Variants in CNTN2 observed in about 807,000 individuals in gnomAD.
CNTN2 encodes contactin-2.
CNTN2 carries 53 observed loss-of-function variants against 117.5 expected under a neutral mutation model. That is an observed-to-expected ratio of 0.45 (90% CI 0.36 to 0.57). The LOEUF is 0.57. CNTN2 is among the 20% of genes least tolerant of loss of function. CNTN2 has a pLI of 0.00. For synonymous variants in CNTN2, 530 were observed against 561.7 expected, an observed-to-expected ratio of 0.94 and a Z score of 0.80; for missense variants, 1,106 against 1,404.3, an observed-to-expected ratio of 0.79 and a Z score of 3.39.
chr1:205,049,231 C>T (rs2096447738), intron 1 of CNTN2, among the ~76,000 whole-genome samples: 1 of 150,146 alleles, frequency 6.7e-6, no homozygotes, highest in African/African-American at 2.5e-5. Flanking sequence ...TGATGCAAAC[C>T]TCCTGGTGGG....
chr1:205,061,188 C>T lies in CNTN2; in HGVS notation c.798-57C>T, dbSNP rs992937776. ...GAGTCTGGGTATGAGGAGCTGCGGG[C>T]ACTGGAGGGGTAGGCCCAGCTCAGC... On this transcript the variant is annotated intron_variant, in intron 7 of 22. Transcript: ENST00000331830. The surrounding 1 kb of genome is among the most constrained non-coding windows in gnomAD (Gnocchi z 4.8). 1 of 1,532,032 alleles carries T rather than the reference C, an allele frequency of 6.5e-7. No homozygotes were observed. Among genetic ancestry groups the T allele is most frequent in the African/African-American group, 1.4e-5 (1 of 72,940 alleles). 94.9% of individuals were successfully genotyped at this position (1,532,032 alleles called of 1,614,324 possible).
At chr1:205,052,339 C>A (rs2096454337) in intron 1 of CNTN2, among the ~76,000 whole-genome samples, 2 of 152,240 alleles carry the variant, frequency 1.3e-5, no homozygotes, top group Non-Finnish European at 2.9e-5. Context: ...ATCTCTGAGA[C>A]TGATGGGACA....
At position 205,058,333 on chromosome 1, in the gene CNTN2, G is replaced by A; in HGVS notation, c.368G>A (p.Arg123Lys). The A allele has an allele frequency of 6.6e-7, 1 of 1,526,142 alleles. No individual in the cohort carries two copies. Among genetic ancestry groups the A allele is most frequent in the Non-Finnish European group, 8.8e-7 (1 of 1,135,300 alleles). 94.5% of individuals were successfully genotyped at this position (1,526,142 alleles called of 1,614,324 possible). A position where few individuals can be genotyped will look rare whatever the true frequency, so the allele number is the denominator to read the frequency against. Reference protein sequence around the residue: ...ASNPVGTVVSREAILRFGFLQ... With the variant: ...ASNPVGTVVSKEAILRFGFLQ... ...AACCCAGTGGGCACCGTTGTCAGCA[G>A]GGAGGCCATCCTCCGCTTCGGCTGT... Residue 123 changes from arginine (R) to lysine (K), a missense_variant, in exon 4 of 23, where the codon AGG (arginine) becomes AAG (lysine). Physicochemically the swap from Arg to Lys is conservative, Grantham distance 26 (BLOSUM62 2). Transcript: ENST00000331830. This position sits in a 1 kb window ranked among gnomAD's most constrained non-coding sequence, Gnocchi z 4.3.
Position 205,050,636 on chromosome 1 carries a change from G to T in CNTN2, c.-86-2464G>T, listed in dbSNP as rs769416167. Among the ~76,000 whole-genome samples the T allele has an allele frequency of 7.5e-3, 1,089 of 144,638 alleles. 7 individuals carry two copies. The highest frequency in any genetic ancestry group is 0.013 in the Non-Finnish European group (873 of 67,082). 94.9% of individuals were successfully genotyped at this position (144,638 alleles called of 152,430 possible). A position where few individuals can be genotyped will look rare whatever the true frequency, so the allele number is the denominator to read the frequency against. On this transcript the variant is annotated intron_variant, in intron 1 of 22. Coordinates refer to ENST00000331830, the MANE Select transcript of CNTN2 (RefSeq NM_005076.5). ...AAGTGTTCTGAGTACATTTTTTTTTGAAATGGAATTTTGCTCTTGTTGCCC... is the reference window on the plus strand; with the variant it reads ...AAGTGTTCTGAGTACATTTTTTTTTTAAATGGAATTTTGCTCTTGTTGCCC...
Position 205,073,827 on chromosome 1 carries a change from C to A in CNTN2, c.*62C>A. The A allele has an allele frequency of 7.2e-7, 1 of 1,384,810 alleles. No individual in the cohort carries two copies. Among genetic ancestry groups the A allele is most frequent in the Non-Finnish European group, 1.0e-6 (1 of 988,176 alleles). The allele number at this position is 1,384,810 out of a possible 1,614,324, so 85.8% of individuals were successfully genotyped here. A position where few individuals can be genotyped will look rare whatever the true frequency, so the allele number is the denominator to read the frequency against. ...CACCTCCGACGGACACAGCCAGCCC[C>A]TTCCTGCTGCCAAGGTGGCCTGACA... is the stretch of plus-strand genomic sequence containing the variant. On this transcript the variant is annotated 3_prime_UTR_variant, in exon 23 of 23. Coordinates refer to ENST00000331830, the MANE Select transcript of CNTN2 (RefSeq NM_005076.5). The surrounding 1 kb of genome is among the most constrained non-coding windows in gnomAD (Gnocchi z 6.3).
rs758576669 is a variant in CNTN2 at position 205,059,577 on chromosome 1, C to G, written c.698-6C>G. 1 of 1,613,884 alleles carries G rather than the reference C, an allele frequency of 6.2e-7. No homozygotes were observed. The highest frequency in any genetic ancestry group is 1.7e-5 in the Admixed American group (1 of 60,028). On this transcript the variant is annotated splice_region_variant and splice_polypyrimidine_tract_variant and intron_variant, in intron 6 of 22. Coordinates refer to ENST00000331830, the MANE Select transcript of CNTN2 (RefSeq NM_005076.5). This position sits in a 1 kb window ranked among gnomAD's most constrained non-coding sequence, Gnocchi z 5.6. ...GCATCTGATTTGTAAAACCCTCTCTCCCCAGATACCCGGCTCTTTGCACCC... is the reference window on the plus strand; with the variant it reads ...GCATCTGATTTGTAAAACCCTCTCTGCCCAGATACCCGGCTCTTTGCACCC...
chr1:205,072,874 T>A (rs749345500), intron 21 of CNTN2, 194 bp from the exon 22 acceptor site: 16 of 651,938 alleles, frequency 2.5e-5, no homozygotes, highest in Non-Finnish European at 3.9e-5. Context: ...GCTTAAGGAG[T>A]CTACGGAAAC....
chr1:205,059,439 TC>T lies in CNTN2; in HGVS notation c.698-142del. 8.7e-7 allele frequency: 1 copy of T among 1,154,664 alleles called. No individual in the cohort carries two copies. The highest frequency in any genetic ancestry group is 1.5e-5 in the African/African-American group (1 of 65,486). 71.5% of individuals were successfully genotyped at this position (1,154,664 alleles called of 1,614,324 possible). On this transcript the variant is annotated intron_variant, in intron 6 of 22. Coordinates refer to ENST00000331830, the MANE Select transcript of CNTN2 (RefSeq NM_005076.5). The surrounding 1 kb of genome is among the most constrained non-coding windows in gnomAD (Gnocchi z 5.6). ...GACCCCCAGATCCTCCTGCTTCAAATCCTGAGGCCCTTGCCCCAGGCCTCAA... is the reference window on the plus strand; with the variant it reads ...GACCCCCAGATCCTCCTGCTTCAAATCTGAGGCCCTTGCCCCAGGCCTCAA...
chr1:205,073,792 A>G lies in CNTN2; in HGVS notation c.*27A>G, dbSNP rs779297371. 2 of 1,591,042 alleles carry G rather than the reference A, an allele frequency of 1.3e-6. No homozygotes were observed. The highest frequency in any genetic ancestry group is 2.2e-5 in the South Asian group (2 of 90,286). ...CCTGGAACCCCTCCCTCTGCGCCGC[A>G]GCTGGACGCCACCTCCGACGGACAC... is the stretch of plus-strand genomic sequence containing the variant. On this transcript the variant is annotated 3_prime_UTR_variant, in exon 23 of 23. Coordinates refer to ENST00000331830, the MANE Select transcript of CNTN2 (RefSeq NM_005076.5). This position sits in a 1 kb window ranked among gnomAD's most constrained non-coding sequence, Gnocchi z 6.3.
rs562036555 is a variant in CNTN2 at position 205,058,282 on chromosome 1, C to G, written c.317C>G (p.Ala106Gly). The change falls in exon 4 of 23, where the codon GCC (alanine) becomes GGC (glycine). Residue 106 changes from alanine to glycine, a missense_variant. Coordinates refer to ENST00000331830, the MANE Select transcript of CNTN2 (RefSeq NM_005076.5). This position sits in a 1 kb window ranked among gnomAD's most constrained non-coding sequence, Gnocchi z 4.3. ...ATGAACCCCACCAAGGCACAGGATGCCGGGGTCTACCAGTGCCTGGCCTCC... is the reference window on the plus strand; with the variant it reads ...ATGAACCCCACCAAGGCACAGGATGGCGGGGTCTACCAGTGCCTGGCCTCC... Reference protein sequence around the residue: ...VIMNPTKAQDAGVYQCLASNP... With the variant: ...VIMNPTKAQDGGVYQCLASNP... 7.2e-6 allele frequency: 11 copies of G among 1,534,698 alleles called. No homozygotes were observed. The highest frequency in any genetic ancestry group is 9.6e-6 in the Non-Finnish European group (11 of 1,140,608).
Position 205,070,499 on chromosome 1 carries a change from C to G in CNTN2, c.2505C>G (p.Pro835=). 1 of 1,613,922 alleles carries G rather than the reference C, an allele frequency of 6.2e-7. No individual in the cohort carries two copies. Among genetic ancestry groups the G allele is most frequent in the Non-Finnish European group, 8.5e-7 (1 of 1,179,926 alleles). ...CAGAGATGAACGTGACCTGGGAACCCGTGCAGCAGGACATGAATGGTATCC... is the reference window on the plus strand; with the variant it reads ...CAGAGATGAACGTGACCTGGGAACCGGTGCAGCAGGACATGAATGGTATCC... The part of the protein sequence containing the change: ...SSSEMNVTWE[P]VQQDMNGILL... Residue 835 remains proline, a synonymous_variant, in exon 19 of 23, where the codon CCC becomes CCG. Coordinates refer to ENST00000331830, the MANE Select transcript of CNTN2 (RefSeq NM_005076.5).
intron 1 of CNTN2, among the ~76,000 whole-genome samples, chr1:205,052,395 C>G (rs1419200243): frequency 6.6e-6 from 1 of 152,216 alleles, no homozygotes; most frequent in African/African-American, 2.4e-5. Context: ...GGTTCTTCTC[C>G]AGAGCTCAAT....
intron 1 of CNTN2, among the ~76,000 whole-genome samples, chr1:205,045,258 G>A (rs964338021): frequency 1.3e-5 from 2 of 151,648 alleles, no homozygotes; most frequent in African/African-American, 2.4e-5. Context: ...TTCTCTCATC[G>A]CGTGTACTCC....
Position 205,072,646 on chromosome 1 carries a change from G to A in CNTN2, c.2844+51G>A, listed in dbSNP as rs2151200486. The A allele has an allele frequency of 2.9e-6, 4 of 1,383,338 alleles. No homozygotes were observed. In the East Asian group the frequency reaches 9.1e-5, roughly 32 times the overall value. 85.7% of individuals were successfully genotyped at this position (1,383,338 alleles called of 1,614,324 possible). A position where few individuals can be genotyped will look rare whatever the true frequency, so the allele number is the denominator to read the frequency against. On this transcript the variant is annotated intron_variant, in intron 21 of 22. Coordinates refer to ENST00000331830, the MANE Select transcript of CNTN2 (RefSeq NM_005076.5). ...GAATGGGAAGGAACAGCTCCTCTGT[G>A]TTTCCAGTGAACATAAGCAGCAGCA...
intron 16 of CNTN2, chr1:205,067,730 C>G (rs535136236): frequency 7.0e-4 from 107 of 152,846 alleles, no homozygotes; most frequent in Non-Finnish European, 1.1e-3. Context: ...AGTTTGAGAC[C>G]AGCCTGGCCA....
At position 205,073,290 on chromosome 1, in the gene CNTN2, T is replaced by C; in HGVS notation, c.3013+54T>C. On this transcript the variant is annotated intron_variant, in intron 22 of 22. Transcript: ENST00000331830. This position sits in a 1 kb window ranked among gnomAD's most constrained non-coding sequence, Gnocchi z 6.3. ...TCGAGAGATTCAGGATCCACCCAGA[T>C]ACCTGAGAGGATCATTCCCACCCAG... The C allele has an allele frequency of 1.9e-6, 3 of 1,584,502 alleles. No homozygotes were observed. The highest frequency in any genetic ancestry group is 1.7e-6 in the Non-Finnish European group (2 of 1,159,564).
chr1:205,058,982 C>G lies in CNTN2; in HGVS notation c.488-102C>G, dbSNP rs935280517. On this transcript the variant is annotated intron_variant, in intron 5 of 22. Coordinates refer to ENST00000331830, the MANE Select transcript of CNTN2 (RefSeq NM_005076.5). This position sits in a 1 kb window ranked among gnomAD's most constrained non-coding sequence, Gnocchi z 4.3. ...CCCCAGTTCAGAGCATGGTGGCTGT[C>G]AGGACAGGGCTTGCAGAACCGCACC... 2.9e-6 allele frequency: 3 copies of G among 1,033,344 alleles called. No homozygotes were observed. The highest frequency in any genetic ancestry group is 3.2e-5 in the African/African-American group (2 of 63,258). The allele number at this position is 1,033,344 out of a possible 1,614,324, so 64.0% of individuals were successfully genotyped here.
At position 205,059,015 on chromosome 1, in the gene CNTN2, TG is replaced by T; in HGVS notation, c.488-65del. 7.1e-7 allele frequency: 1 copy of T among 1,417,734 alleles called. No homozygotes were observed. The highest frequency in any genetic ancestry group is 9.9e-7 in the Non-Finnish European group (1 of 1,012,620). The allele number at this position is 1,417,734 out of a possible 1,614,324, so 87.8% of individuals were successfully genotyped here. On this transcript the variant is annotated intron_variant, in intron 5 of 22. Coordinates refer to ENST00000331830, the MANE Select transcript of CNTN2 (RefSeq NM_005076.5). The surrounding 1 kb of genome is among the most constrained non-coding windows in gnomAD (Gnocchi z 5.6). ...GGCTTGCAGAACCGCACCAGCATGC[TG>T]GGGTCCCACCCAGAGTGGCCCTGTT...
At chr1:205,070,365 G>T (rs1227993777) in intron 18 of CNTN2, 61 bp from the exon 19 acceptor site, 3 of 1,195,736 alleles carry the variant, frequency 2.5e-6, no homozygotes, top group Admixed American at 2.1e-5. Flanking sequence ...CTGGTTGGGG[G>T]CTGCTCTGCA....
Sources: gnomAD v4.1 joint callset for allele counts (sites outside exome capture counted in the v4.1 genomes callset) on GRCh38, gnomAD v4.1.1 for gene constraint, Gnocchi (gnomAD v3.1) non-coding constraint, MANE v1.5 for transcripts, NCBI Gene and HGNC (gene_info 2026-07-23, HGNC 2026-07-21) for gene names.